Variants in NYAP1 observed in about 807,000 individuals in gnomAD.
The protein encoded by NYAP1 is neuronal tyrosine phosphorylated phosphoinositide-3-kinase adaptor 1.
NYAP1 carries 20 observed loss-of-function variants against 58.6 expected under a neutral mutation model. That is an observed-to-expected ratio of 0.34 (90% CI 0.24 to 0.50). NYAP1 has a LOEUF of 0.50. NYAP1 is among the 20% of genes least tolerant of loss of function. The probability of loss-of-function intolerance (pLI) is 0.98; values close to 1 mark genes in which losing one functional copy is unlikely to be tolerated. For synonymous variants in NYAP1, 572 were observed against 523.1 expected (o/e 1.09, Z -1.27); for missense variants, 1,150 against 1,194.5 (o/e 0.96, Z 0.55).
rs1461622870 is a variant in NYAP1 at position 100,486,484 on chromosome 7, G to A, written c.69-337G>A. 9.9e-5 allele frequency among the ~76,000 whole-genome samples: 15 copies of A among 152,226 alleles called. No homozygotes were observed. The highest frequency in any genetic ancestry group is 9.8e-4 in the Admixed American group (15 of 15,296). On this transcript the variant is annotated intron_variant, in intron 2 of 6. Transcript: ENST00000300179. This position sits in a 1 kb window ranked among gnomAD's most constrained non-coding sequence, Gnocchi z 6.2. ...CCAAGGAGCTGTGGGGGGCAGGCGT[G>A]TCCATCTGTGTTACCTGGGTTTGTA...
chr7:100,489,364 T>C lies in NYAP1; in HGVS notation c.1643T>C (p.Leu548Pro). 1 of 1,612,364 alleles carries C rather than the reference T, an allele frequency of 6.2e-7. No homozygotes were observed. The highest frequency in any genetic ancestry group is 8.5e-7 in the Non-Finnish European group (1 of 1,179,790). Reference protein sequence around the residue: ...PDPTVGPLTPLWTYPATAAGL... With the variant: ...PDPTVGPLTPPWTYPATAAGL... ...CCAACTGTAGGCCCCCTGACCCCGC[T>C]GTGGACCTACCCAGCCACAGCAGCT... The change falls in exon 4 of 7, where the codon CTG (leucine) becomes CCG (proline). Residue 548 changes from leucine (L) to proline (P), a missense_variant. Physicochemically the swap from Leu to Pro is moderately conservative, Grantham distance 98. Transcript: ENST00000300179.
chr7:100,487,250 A>G lies in NYAP1; in HGVS notation c.430+68A>G. ...GGGAGGATCTATTCCACGCCCGGGG[A>G]GGCTTGCCGGGAGGGTTCATTCAGG... On this transcript the variant is annotated intron_variant, in intron 3 of 6. Coordinates refer to ENST00000300179, the MANE Select transcript of NYAP1 (RefSeq NM_173564.4). The surrounding 1 kb of genome is among the most constrained non-coding windows in gnomAD (Gnocchi z 4.1). 6 of 1,429,236 alleles carry G rather than the reference A, an allele frequency of 4.2e-6. No individual in the cohort carries two copies. Among genetic ancestry groups the G allele is most frequent in the Non-Finnish European group, 5.5e-6 (6 of 1,086,480 alleles). The allele number at this position is 1,429,236 out of a possible 1,614,324, so 88.5% of individuals were successfully genotyped here.
chr7:100,490,309 CAA>C lies in NYAP1; in HGVS notation c.1946-207_1946-206del, dbSNP rs1346673222. On this transcript the variant is annotated intron_variant, in intron 4 of 6. Transcript: ENST00000300179. This position sits in a 1 kb window ranked among gnomAD's most constrained non-coding sequence, Gnocchi z 4.6. ...AGCACATAGACATGATTCTCAGCCC[CAA>C]GAGATGGTACCAATGGGTGGAAAGG... 6.6e-6 allele frequency among the ~76,000 whole-genome samples: 1 copy of C among 152,010 alleles called. No individual in the cohort carries two copies. The highest frequency in any genetic ancestry group is 1.5e-5 in the Non-Finnish European group (1 of 68,000).
rs1584362695 is a variant in NYAP1 at position 100,494,635 on chromosome 7, T to G, written c.*732T>G. The G allele has an allele frequency of 9.8e-6, 1 of 101,856 alleles. No homozygotes were observed. Among genetic ancestry groups the G allele is most frequent in the South Asian group, 3.9e-4 (1 of 2,592 alleles). The allele number at this position is 101,856 out of a possible 1,614,324, so 6.3% of individuals were successfully genotyped here. A position where few individuals can be genotyped will look rare whatever the true frequency, so the allele number is the denominator to read the frequency against. The stretch of plus-strand genomic sequence containing the variant: ...ATTTAGTTCTGGGGTGAGGGTCTAG[T>G]GCCAGGGATGGGCAGGATGATGGGG... On this transcript the variant is annotated 3_prime_UTR_variant, in exon 7 of 7. Coordinates refer to ENST00000300179, the MANE Select transcript of NYAP1 (RefSeq NM_173564.4).
chr7:100,490,902 G>T lies in NYAP1; in HGVS notation c.2159-84G>T. 1 of 1,101,934 alleles carries T rather than the reference G, an allele frequency of 9.1e-7. No individual in the cohort carries two copies. The highest frequency in any genetic ancestry group is 1.3e-6 in the Non-Finnish European group (1 of 766,912). The allele number at this position is 1,101,934 out of a possible 1,614,324, so 68.3% of individuals were successfully genotyped here. Reference sequence around the variant, plus strand: ...CTTCTGATGAGGCAGGGGCAGCCTGGACCATTCAAGGGCAGGGGACTGGGA... The same window carrying T: ...CTTCTGATGAGGCAGGGGCAGCCTGTACCATTCAAGGGCAGGGGACTGGGA... On this transcript the variant is annotated intron_variant, in intron 5 of 6. Transcript: ENST00000300179. This position sits in a 1 kb window ranked among gnomAD's most constrained non-coding sequence, Gnocchi z 4.6.
In NYAP1 at chr7:100,486,863, G is replaced by A. The variant is rs780087448; in HGVS notation, c.111G>A (p.Ala37=). The A allele has an allele frequency of 1.4e-5, 21 of 1,537,014 alleles. No homozygotes were observed. The highest frequency in any genetic ancestry group is 4.8e-5 in the South Asian group (4 of 83,076). The part of the protein sequence containing the change: ...EVAPAGSAGP[A]AGQGPGVRVR... ...CCCCCGCTGGCTCGGCTGGGCCCGC[G>A]GCCGGCCAGGGGCCTGGGGTCCGCG... Residue 37 remains alanine (A), a synonymous_variant, in exon 3 of 7, where the codon GCG becomes GCA. Transcript: ENST00000300179. This position sits in a 1 kb window ranked among gnomAD's most constrained non-coding sequence, Gnocchi z 6.2.
In NYAP1 at chr7:100,490,877, C is replaced by A; in HGVS notation, c.2159-109C>A. 1 of 1,079,666 alleles carries A rather than the reference C, an allele frequency of 9.3e-7. No individual in the cohort carries two copies. The highest frequency in any genetic ancestry group is 1.3e-6 in the Non-Finnish European group (1 of 756,306). 66.9% of individuals were successfully genotyped at this position (1,079,666 alleles called of 1,614,324 possible). A position where few individuals can be genotyped will look rare whatever the true frequency, so the allele number is the denominator to read the frequency against. ...ATACCACATCTCCACCCCTTTTTCC[C>A]TTCTGATGAGGCAGGGGCAGCCTGG... On this transcript the variant is annotated intron_variant, in intron 5 of 6. Transcript: ENST00000300179. The surrounding 1 kb of genome is among the most constrained non-coding windows in gnomAD (Gnocchi z 4.6).
chr7:100,488,296 C>T lies in NYAP1; in HGVS notation c.575C>T (p.Pro192Leu), dbSNP rs771478936. Residue 192 changes from proline to leucine, a missense_variant, in exon 4 of 7, where the codon CCT (proline) becomes CTT (leucine). Pro to Leu is a moderately conservative substitution (Grantham distance 98). Coordinates refer to ENST00000300179, the MANE Select transcript of NYAP1 (RefSeq NM_173564.4). This position sits in a 1 kb window ranked among gnomAD's most constrained non-coding sequence, Gnocchi z 5.9. Reference protein sequence around the residue: ...PGPSPRGGNLPLQRLTRGSRV... With the variant: ...PGPSPRGGNLLLQRLTRGSRV... ...CCCTCTCCTCGAGGGGGGAACCTGC[C>T]TCTTCAGCGCCTCACTAGGGGGTCC... The T allele has an allele frequency of 6.2e-7, 1 of 1,613,680 alleles. No homozygotes were observed. Among genetic ancestry groups the T allele is most frequent in the South Asian group, 1.1e-5 (1 of 91,060 alleles).
intron 6 of NYAP1, among the ~76,000 whole-genome samples, chr7:100,492,536 G>A (rs1323476939): frequency 6.6e-6 from 1 of 152,180 alleles, no homozygotes; most frequent in East Asian, 1.9e-4. Context: ...GGCTGAGGTT[G>A]CAATGAACTA....
At position 100,493,904 on chromosome 7, in the gene NYAP1, G is replaced by T; in HGVS notation, c.*1G>T. 2 of 1,441,720 alleles carry T rather than the reference G, an allele frequency of 1.4e-6. No homozygotes were observed. Among genetic ancestry groups the T allele is most frequent in the Non-Finnish European group, 1.8e-6 (2 of 1,102,808 alleles). The allele number at this position is 1,441,720 out of a possible 1,614,324, so 89.3% of individuals were successfully genotyped here. ...GGTCCTCTGGGACACCGCCATCTGA[G>T]GCGGGCGGGGGGGTACCGGGGCGCC... On this transcript the variant is annotated 3_prime_UTR_variant, in exon 7 of 7. Coordinates refer to ENST00000300179, the MANE Select transcript of NYAP1 (RefSeq NM_173564.4).
At chr7:100,489,748 T>G (rs1799768950) in intron 4 of NYAP1, 82 bp downstream of exon 4, 36 of 1,036,654 alleles carry the variant, frequency 3.5e-5, no homozygotes, top group Non-Finnish European at 3.7e-5. Flanking sequence ...GGGGAGGTGT[T>G]GGAGGGGTTA....
In NYAP1 at chr7:100,488,838, C is replaced by T; in HGVS notation, c.1117C>T (p.Pro373Ser). Residue 373 changes from proline to serine, a missense_variant, in exon 4 of 7, where the codon CCC (proline) becomes TCC (serine). Physicochemically the swap from Pro to Ser is moderately conservative, Grantham distance 74. Transcript: ENST00000300179. The surrounding 1 kb of genome is among the most constrained non-coding windows in gnomAD (Gnocchi z 5.9). ...GGAGCCAGCCGGCTCCACCCCAGCT[C>T]CCCAAGTGCCTGCACGGGAGCGGGA... ...SKEPAGSTPA[P>S]QVPARERETP... The T allele has an allele frequency of 6.3e-7, 1 of 1,590,350 alleles. No individual in the cohort carries two copies. The highest frequency in any genetic ancestry group is 8.5e-7 in the Non-Finnish European group (1 of 1,170,478).
chr7:100,490,971 C>T lies in NYAP1; in HGVS notation c.2159-15C>T, dbSNP rs1255499974. 17 of 1,518,310 alleles carry T rather than the reference C, an allele frequency of 1.1e-5. No homozygotes were observed. The South Asian group carries it at 1.7e-4, about 15-fold the overall frequency. 94.1% of individuals were successfully genotyped at this position (1,518,310 alleles called of 1,614,324 possible). On this transcript the variant is annotated splice_polypyrimidine_tract_variant and intron_variant, in intron 5 of 6. Transcript: ENST00000300179. This position sits in a 1 kb window ranked among gnomAD's most constrained non-coding sequence, Gnocchi z 4.6. The stretch of plus-strand genomic sequence containing the variant: ...GAGGCCCCTGCACTCCTCACTCCTC[C>T]TTCTTCCACCTCAGACTTCACGGGA...
At chr7:100,492,957 A>T (rs1799816180) in intron 6 of NYAP1, among the ~76,000 whole-genome samples, 1 of 152,016 alleles carries the variant, frequency 6.6e-6, no homozygotes, top group Non-Finnish European at 1.5e-5. Context: ...GGAGAGAAAG[A>T]GAGAAAGAAA....
Position 100,490,135 on chromosome 7 carries a change from C to G in NYAP1, c.1946-382C>G, listed in dbSNP as rs1040557760. On this transcript the variant is annotated intron_variant, in intron 4 of 6. Coordinates refer to ENST00000300179, the MANE Select transcript of NYAP1 (RefSeq NM_173564.4). This position sits in a 1 kb window ranked among gnomAD's most constrained non-coding sequence, Gnocchi z 4.6. ...AGGCAGCCCTTCCCCCCAGCGCTCC[C>G]CCTTCTGGGCTCAGGAATTGGGATT... is the stretch of plus-strand genomic sequence containing the variant. Among the ~76,000 whole-genome samples, 2 of 152,146 alleles carry G rather than the reference C, an allele frequency of 1.3e-5. No individual in the cohort carries two copies. The highest frequency in any genetic ancestry group is 4.8e-5 in the African/African-American group (2 of 41,422).
rs1184543001 is a variant in NYAP1 at position 100,488,661 on chromosome 7, A to T, written c.940A>T (p.Thr314Ser). Reference protein sequence around the residue: ...ASALPSRRDGTPTKTTPCEIP... With the variant: ...ASALPSRRDGSPTKTTPCEIP... Reference sequence around the variant, plus strand: ...AGCCCTCCCGAGCCGGAGGGACGGGACGCCCACCAAGACCACTCCTTGTGA... The same window carrying T: ...AGCCCTCCCGAGCCGGAGGGACGGGTCGCCCACCAAGACCACTCCTTGTGA... Residue 314 changes from threonine to serine, a missense_variant, in exon 4 of 7, where the codon ACG (threonine) becomes TCG (serine). Transcript: ENST00000300179. This position sits in a 1 kb window ranked among gnomAD's most constrained non-coding sequence, Gnocchi z 5.9. The T allele has an allele frequency of 6.2e-7, 1 of 1,604,472 alleles. No individual in the cohort carries two copies. The highest frequency in any genetic ancestry group is 1.1e-5 in the South Asian group (1 of 90,634).
Position 100,487,035 on chromosome 7 carries a change from G to A in NYAP1, c.283G>A (p.Gly95Arg), listed in dbSNP as rs745503115. 6.9e-6 allele frequency: 11 copies of A among 1,604,898 alleles called. No individual in the cohort carries two copies. Among genetic ancestry groups the A allele is most frequent in the African/African-American group, 1.3e-5 (1 of 74,478 alleles). Residue 95 changes from glycine to arginine, a missense_variant, in exon 3 of 7, where the codon GGG becomes AGG. Gly to Arg is a moderately radical substitution (Grantham distance 125). Transcript: ENST00000300179. The surrounding 1 kb of genome is among the most constrained non-coding windows in gnomAD (Gnocchi z 4.1). ...CHSVGSMDSV[G>R]GGPGGASGGL... ...CTCGGTGGGCAGCATGGACAGTGTC[G>A]GGGGTGGCCCTGGCGGGGCCAGTGG...
chr7:100,485,189 C>A lies in NYAP1; in HGVS notation c.-84-39C>A, dbSNP rs964903413. On this transcript the variant is annotated intron_variant, in intron 1 of 6. Transcript: ENST00000300179. The surrounding 1 kb of genome is among the most constrained non-coding windows in gnomAD (Gnocchi z 5.7). ...CATCCCTGGCCCCCACCCATCCCAC[C>A]TTTCTTTTTTTTCCGTTCTCACCCA... The A allele has an allele frequency of 3.3e-6, 2 of 610,740 alleles. No individual in the cohort carries two copies. Among genetic ancestry groups the A allele is most frequent in the Admixed American group, 5.7e-5 (2 of 35,104 alleles). 37.8% of individuals were successfully genotyped at this position (610,740 alleles called of 1,614,324 possible).
chr7:100,485,307 A>G lies in NYAP1; in HGVS notation c.-5A>G. On this transcript the variant is annotated 5_prime_UTR_variant, in exon 2 of 7. Transcript: ENST00000300179. This position sits in a 1 kb window ranked among gnomAD's most constrained non-coding sequence, Gnocchi z 5.7. ...CCCCCCAGCCCCCACCTCCTGCCCCACGAGATGAACCTCCTCTACCGAAAA... is the reference window on the plus strand; with the variant it reads ...CCCCCCAGCCCCCACCTCCTGCCCCGCGAGATGAACCTCCTCTACCGAAAA... 6.4e-7 allele frequency: 1 copy of G among 1,556,638 alleles called. No homozygotes were observed. Among genetic ancestry groups the G allele is most frequent in the Middle Eastern group, 1.7e-4 (1 of 5,890 alleles).
Sources: allele counts gnomAD v4.1 joint callset (sites outside exome capture counted in the v4.1 genomes callset), GRCh38; gene constraint gnomAD v4.1.1; non-coding constraint Gnocchi (gnomAD v3.1); transcripts MANE v1.5; gene names NCBI Gene and HGNC (gene_info 2026-07-23, HGNC 2026-07-21).